GPBP1L1: variants seen among roughly 807,000 people sequenced by gnomAD.
The protein encoded by GPBP1L1 is vasculin-like protein 1.
In GPBP1L1, 23 loss-of-function variants were observed where a neutral mutation model predicts 52.5. The observed-to-expected ratio is 0.44, with a 90% confidence interval of 0.32 to 0.62. GPBP1L1 has a LOEUF of 0.62. GPBP1L1 is among the 20% of genes least tolerant of loss of function. The pLI is 0.06. For synonymous variants in GPBP1L1, 243 were observed against 203.1 expected, an observed-to-expected ratio of 1.20 and a Z score of -1.67; for missense variants, 596 against 579.3, an observed-to-expected ratio of 1.03 and a Z score of -0.30.
At position 45,630,463 on chromosome 1, in the gene GPBP1L1, TG is replaced by T; in HGVS notation, c.1169+18del. The T allele has an allele frequency of 6.2e-7, 1 of 1,613,356 alleles. No homozygotes were observed. Among genetic ancestry groups the T allele is most frequent in the Non-Finnish European group, 8.5e-7 (1 of 1,179,534 alleles). Reference sequence around the variant, plus strand: ...TAAAGGTCAGACACTGCATGCCCTGTGATGTCCTCCTCACTTACCTGTGCTC... The same window carrying T: ...TAAAGGTCAGACACTGCATGCCCTGTATGTCCTCCTCACTTACCTGTGCTC... On this transcript the variant is annotated intron_variant, in intron 11 of 12. Coordinates refer to ENST00000355105, the MANE Select transcript of GPBP1L1 (RefSeq NM_021639.5).
chr1:45,671,097 CAT>C (rs1233267840), intron 2 of GPBP1L1, among the ~76,000 whole-genome samples: 2 of 151,594 alleles, frequency 1.3e-5, no homozygotes, highest in African/African-American at 4.8e-5. Context: ...CCCGGACTAC[CAT>C]ATGTCTTAAC....
At chr1:45,677,909 C>A (rs1286529858) in intron 2 of GPBP1L1, among the ~76,000 whole-genome samples, 2 of 152,218 alleles carry the variant, frequency 1.3e-5, no homozygotes, top group East Asian at 3.8e-4. Context: ...AGAGTGAACA[C>A]TGGCACACAA....
At chr1:45,646,463 G>GT (rs1644746935) in intron 6 of GPBP1L1, among the ~76,000 whole-genome samples, 1 of 151,980 alleles carries the variant, frequency 6.6e-6, no homozygotes, top group Non-Finnish European at 1.5e-5. Flanking sequence ...CTAGTATTTT[G>GT]TAAGAGTATG....
chr1:45,651,395 G>C (rs918561699), intron 6 of GPBP1L1: 8 of 390,092 alleles, frequency 2.1e-5, no homozygotes, highest in African/African-American at 1.7e-4. Flanking sequence ...CTCCACCAAG[G>C]TGGTGAAGTG....
intron 8 of GPBP1L1, among the ~76,000 whole-genome samples, chr1:45,639,575 A>T (rs1163611537): frequency 3.5e-3 from 100 of 28,718 alleles, no homozygotes; most frequent in South Asian, 0.016. Flanking sequence ...AAAAATAATT[A>T]AAAAAAAAAA....
chr1:45,670,084 T>C (rs1488217200), intron 2 of GPBP1L1, among the ~76,000 whole-genome samples: 1 of 152,238 alleles, frequency 6.6e-6, no homozygotes, highest in Non-Finnish European at 1.5e-5. Context: ...ATAATACTTC[T>C]GAACAACGTG....
At position 45,633,547 on chromosome 1, in the gene GPBP1L1, A is replaced by C. The variant is rs758759848; in HGVS notation, c.986T>G (p.Leu329Arg). The C allele has an allele frequency of 6.2e-7, 1 of 1,613,802 alleles. No individual in the cohort carries two copies. The highest frequency in any genetic ancestry group is 1.3e-5 in the African/African-American group (1 of 74,828). The change falls in exon 10 of 13, where the codon CTG becomes CGG. Residue 329 changes from leucine to arginine, a missense_variant. Transcript: ENST00000355105. ...TDRKSEFLKTLKDDRNGDFSE... is the reference protein window; with the variant it reads ...TDRKSEFLKTRKDDRNGDFSE... ...GAAGTCTCCATTCCGGTCATCCTTC[A>C]GAGTTTTCAGGAACTCACTCTTCCT...
At chr1:45,651,517 T>C in intron 6 of GPBP1L1, 1 of 504,566 alleles carries the variant, frequency 2.0e-6, no homozygotes, top group Non-Finnish European at 3.6e-6. Flanking sequence ...GCTTTGCCTC[T>C]GATCTGTACT....
chr1:45,664,331 C>T (rs1557714612), intron 2 of GPBP1L1, among the ~76,000 whole-genome samples: 1 of 148,534 alleles, frequency 6.7e-6, no homozygotes. Flanking sequence ...AAAAAAAAGG[C>T]CGGGCGTGGT....
At chr1:45,632,503 G>C (rs1451201952) in intron 10 of GPBP1L1, among the ~76,000 whole-genome samples, 1 of 152,136 alleles carries the variant, frequency 6.6e-6, no homozygotes, top group African/African-American at 2.4e-5. Flanking sequence ...AACACTTGAG[G>C]CCAGGAGTTC....
At chr1:45,682,801 T>C (rs780621508) in intron 2 of GPBP1L1, among the ~76,000 whole-genome samples, 2 of 152,234 alleles carry the variant, frequency 1.3e-5, no homozygotes, top group Admixed American at 1.3e-4. Flanking sequence ...AGTTAAAGTA[T>C]ACCTGTGGAC....
intron 6 of GPBP1L1, 54 bp from the exon 7 acceptor site, chr1:45,642,553 T>G: frequency 7.2e-7 from 1 of 1,395,980 alleles, no homozygotes; most frequent in Non-Finnish European, 1.0e-6. Context: ...ATTTTGGCAC[T>G]TTTCACAAAG....
At position 45,630,473 on chromosome 1, in the gene GPBP1L1, C is replaced by G; in HGVS notation, c.1169+9G>C. ...ACACTGCATGCCCTGTGATGTCCTC[C>G]TCACTTACCTGTGCTCTGCTTCTAG... On this transcript the variant is annotated intron_variant, in intron 11 of 12. Transcript: ENST00000355105. 6.2e-7 allele frequency: 1 copy of G among 1,613,556 alleles called. No homozygotes were observed. The highest frequency in any genetic ancestry group is 1.1e-5 in the South Asian group (1 of 91,032).
intron 2 of GPBP1L1, among the ~76,000 whole-genome samples, chr1:45,664,408 T>C (rs1015619935): frequency 6.6e-6 from 1 of 150,834 alleles, no homozygotes; most frequent in Non-Finnish European, 1.5e-5. Context: ...CTACTAAAAA[T>C]ACAAAAAATT....
chr1:45,669,098 C>G (rs1306839263), intron 2 of GPBP1L1, among the ~76,000 whole-genome samples: 1 of 152,190 alleles, frequency 6.6e-6, no homozygotes, highest in Non-Finnish European at 1.5e-5. Context: ...TCTATCTATA[C>G]TATATAAAAC....
chr1:45,659,693 C>CA (rs940357390), intron 3 of GPBP1L1, among the ~76,000 whole-genome samples: 1 of 152,144 alleles, frequency 6.6e-6, no homozygotes, highest in African/African-American at 2.4e-5. Flanking sequence ...CCTGTAATCC[C>CA]AGCACCTTGG....
chr1:45,631,338 C>T (rs1465825378), intron 10 of GPBP1L1, among the ~76,000 whole-genome samples: 1 of 152,178 alleles, frequency 6.6e-6, no homozygotes, highest in East Asian at 1.9e-4. Context: ...TCTCGGCTCA[C>T]TGCAACCCCC....
intron 6 of GPBP1L1, among the ~76,000 whole-genome samples, chr1:45,652,681 G>A (rs1017524053): frequency 6.6e-6 from 1 of 151,662 alleles, no homozygotes; most frequent in Non-Finnish European, 1.5e-5. Context: ...AGTATTAAAG[G>A]AAAGTTGTTT....
chr1:45,679,516 TTATC>T (rs934987698), intron 2 of GPBP1L1, among the ~76,000 whole-genome samples: 21 of 152,094 alleles, frequency 1.4e-4, no homozygotes, highest in Admixed American at 1.3e-4. Flanking sequence ...CACAGAAAGT[TTATC>T]TATATGGTAT....
Sources: allele counts gnomAD v4.1 joint callset (sites outside exome capture counted in the v4.1 genomes callset), GRCh38; gene constraint gnomAD v4.1.1; transcripts MANE v1.5; gene names NCBI Gene and HGNC (gene_info 2026-07-23, HGNC 2026-07-21).